The following XKR4 variants were observed in gnomAD, a reference collection of about 807,000 sequenced individuals.
XKR4 encodes the protein XK-related protein 4.
XKR4 carries 12 observed loss-of-function variants against 53.9 expected under a neutral mutation model. That is an observed-to-expected ratio of 0.22 (90% CI 0.14 to 0.36). XKR4 has a LOEUF of 0.36. Ranked by LOEUF, XKR4 falls within the 10% of genes least tolerant of loss-of-function variation. The pLI is 1.00. For synonymous variants in XKR4, 354 were observed against 362.4 expected, an observed-to-expected ratio of 0.98 and a Z score of 0.26; for missense variants, 799 against 859.5, an observed-to-expected ratio of 0.93 and a Z score of 0.88.
intron 2 of XKR4, among the ~76,000 whole-genome samples, chr8:55,464,348 G>C (rs969019403): frequency 1.3e-5 from 2 of 152,006 alleles, no homozygotes; most frequent in Non-Finnish European, 1.5e-5. Context: ...ACGTAATCCA[G>C]CATATAAACA....
intron 1 of XKR4, among the ~76,000 whole-genome samples, chr8:55,253,491 C>T (rs754606215): frequency 1.6e-4 from 25 of 152,242 alleles, no homozygotes; most frequent in African/African-American, 2.4e-4. Context: ...ATTTTTCCAA[C>T]GAACCATTGT....
At chr8:55,451,660 C>T (rs1380286032) in intron 2 of XKR4, 22 of 1,557,262 alleles carry the variant, frequency 1.4e-5, no homozygotes, top group Admixed American at 3.5e-5. Context: ...GTCCTGGACA[C>T]TCTGGGGCAC....
At chr8:55,419,510 G>A (rs1371127049) in intron 2 of XKR4, among the ~76,000 whole-genome samples, 1 of 152,184 alleles carries the variant, frequency 6.6e-6, no homozygotes, top group South Asian at 2.1e-4. Context: ...TCACTTTCAT[G>A]TTTTGTTGTT....
intron 1 of XKR4, among the ~76,000 whole-genome samples, chr8:55,264,155 C>T (rs1034704197): frequency 6.6e-6 from 1 of 152,182 alleles, no homozygotes. Flanking sequence ...ACCTGCTGTT[C>T]TCACTGGCTG....
intron 2 of XKR4, among the ~76,000 whole-genome samples, chr8:55,476,638 C>T (rs1289603121): frequency 6.6e-6 from 1 of 152,000 alleles, no homozygotes; most frequent in Non-Finnish European, 1.5e-5. Flanking sequence ...GTTCCCTTTC[C>T]TAGTCAAAGA....
intron 1 of XKR4, among the ~76,000 whole-genome samples, chr8:55,110,313 G>A (rs57738854): frequency 0.051 from 7,715 of 152,184 alleles, 489 homozygotes; most frequent in African/African-American, 0.15. Context: ...CAACATGATG[G>A]TGTCCTTGGT....
chr8:55,407,882 G>T (rs1804710164), intron 2 of XKR4, among the ~76,000 whole-genome samples: 1 of 152,142 alleles, frequency 6.6e-6, no homozygotes, highest in East Asian at 1.9e-4. Context: ...TCTTTCATGG[G>T]AGACAAAACA....
At chr8:55,195,690 T>C (rs917349290) in intron 1 of XKR4, among the ~76,000 whole-genome samples, 3 of 152,210 alleles carry the variant, frequency 2.0e-5, no homozygotes, top group Non-Finnish European at 4.4e-5. Flanking sequence ...CAATTATATG[T>C]CCTTTACAAT....
rs151260284 is a variant in XKR4, at chr8:55,142,886, C to T, written c.806+39592C>T. Among the ~76,000 whole-genome samples, 32 of 152,314 alleles carry T rather than the reference C, an allele frequency of 2.1e-4. No individual in the cohort carries two copies. In the East Asian group the frequency reaches 2.1e-3, roughly 10 times the overall value. On this transcript the variant is annotated intron_variant, in intron 1 of 2. Coordinates refer to ENST00000327381, the MANE Select transcript of XKR4 (RefSeq NM_052898.2). ...CCCTCTCATATCACCAGCATGTGGA[C>T]GAAGGAGCAGCGCCTGAAGGCCCCT...
At chr8:55,107,278 A>G (rs1314155369) in intron 1 of XKR4, among the ~76,000 whole-genome samples, 1 of 152,188 alleles carries the variant, frequency 6.6e-6, no homozygotes, top group Non-Finnish European at 1.5e-5. Context: ...AGGGTCACCC[A>G]ACTATTATGT....
chr8:55,135,436 G>A, intron 1 of XKR4: 1 of 345,280 alleles, frequency 2.9e-6, no homozygotes, highest in Non-Finnish European at 5.9e-6. Context: ...TATGAATAGG[G>A]ACAGAAAGAA....
In XKR4 at chr8:55,196,086, A is replaced by G. The variant is rs567603908; in HGVS notation, c.806+92792A>G. Reference sequence around the variant, plus strand: ...TCCTCATGCTGCAGGTCAGGCAGAGAGAAGCCACTCAGTCAAGAGACAGTT... The same window carrying G: ...TCCTCATGCTGCAGGTCAGGCAGAGGGAAGCCACTCAGTCAAGAGACAGTT... On this transcript the variant is annotated intron_variant, in intron 1 of 2. Transcript: ENST00000327381. 3.9e-3 allele frequency among the ~76,000 whole-genome samples: 595 copies of G among 152,016 alleles called. 2 individuals carry two copies. Among genetic ancestry groups the G allele is most frequent in the Non-Finnish European group, 6.4e-3 (438 of 67,980 alleles).
intron 1 of XKR4, among the ~76,000 whole-genome samples, chr8:55,191,847 C>T (rs1053348282): frequency 2.0e-5 from 3 of 152,058 alleles, no homozygotes; most frequent in Admixed American, 6.6e-5. Context: ...AGCTGCCATT[C>T]CTAAAAGTAT....
intron 2 of XKR4, among the ~76,000 whole-genome samples, chr8:55,468,612 T>G (rs1031033978): frequency 6.6e-6 from 1 of 152,132 alleles, no homozygotes; most frequent in African/African-American, 2.4e-5. Context: ...TCACTTTATA[T>G]CTATTAAAAA....
intron 1 of XKR4, among the ~76,000 whole-genome samples, chr8:55,293,018 AT>A (rs1382406526): frequency 6.6e-6 from 1 of 150,550 alleles, no homozygotes; most frequent in Non-Finnish European, 1.5e-5. Flanking sequence ...GCCAACTGCC[AT>A]TTTTTCCATT....
chr8:55,202,285 G>T (rs566189810), intron 1 of XKR4, among the ~76,000 whole-genome samples: 2 of 152,322 alleles, frequency 1.3e-5, no homozygotes, highest in South Asian at 4.1e-4. Flanking sequence ...TACCAGAAGT[G>T]AAATGATTTA....
chr8:55,437,820 A>T (rs552577358), intron 2 of XKR4, among the ~76,000 whole-genome samples: 120 of 152,306 alleles, frequency 7.9e-4, no homozygotes, highest in African/African-American at 2.7e-3. Context: ...ACATTGAGTG[A>T]GCTGCAAAAA....
chr8:55,364,636 T>A (rs2658887), intron 2 of XKR4, among the ~76,000 whole-genome samples: 19,004 of 150,674 alleles, frequency 0.13, 1,566 homozygotes, highest in Non-Finnish European at 0.19. Flanking sequence ...TTTGTTGGGG[T>A]TTTTTTTGTT....
At chr8:55,412,925 T>A (rs1401497182) in intron 2 of XKR4, among the ~76,000 whole-genome samples, 1 of 152,208 alleles carries the variant, frequency 6.6e-6, no homozygotes, top group Non-Finnish European at 1.5e-5. Flanking sequence ...CTGTCCAATA[T>A]GGCTTTGATG....
Sources: allele counts gnomAD v4.1 joint callset (sites outside exome capture counted in the v4.1 genomes callset), GRCh38; gene constraint gnomAD v4.1.1; transcripts MANE v1.5; gene names NCBI Gene and HGNC (gene_info 2026-07-23, HGNC 2026-07-21).